FBXO21: variants seen among roughly 807,000 people sequenced by gnomAD.
FBXO21 encodes F-box only protein 21.
In FBXO21, 32 loss-of-function variants were observed where a neutral mutation model predicts 76.6. The observed-to-expected ratio is 0.42, with a 90% CI of 0.32 to 0.56. The LOEUF is 0.56. Among genes scored for constraint, FBXO21 ranks in the 20% least tolerant of loss-of-function variants. The probability of loss-of-function intolerance (pLI) is 0.16; values close to 1 mark genes in which losing one functional copy is unlikely to be tolerated. For synonymous variants in FBXO21, 328 were observed against 311.5 expected (o/e 1.05, Z -0.56); for missense variants, 586 against 797.3 (o/e 0.73, Z 3.19).
intron 3 of FBXO21, among the ~76,000 whole-genome samples, chr12:117,179,451 A>AT (rs1351956908): frequency 2.7e-5 from 4 of 150,134 alleles, no homozygotes; most frequent in African/African-American, 7.3e-5. Flanking sequence ...ATCCTCCTCC[A>AT]TCTTTTTTTT....
chr12:117,184,993 G>T (rs1956268873), intron 3 of FBXO21, among the ~76,000 whole-genome samples: 2 of 152,106 alleles, frequency 1.3e-5, no homozygotes, highest in African/African-American at 4.8e-5. Context: ...AAGAATTACA[G>T]AGGTGGGGGC....
chr12:117,177,719 T>C (rs1956188989), intron 3 of FBXO21, 78 bp from the exon 4 acceptor site: 1 of 1,212,850 alleles, frequency 8.2e-7, no homozygotes, highest in Admixed American at 2.2e-5. Flanking sequence ...TAACATACCA[T>C]GTAGTTTGCT....
rs535672594 is a variant in FBXO21, at chr12:117,167,642, G to A, written c.1014-565C>T. Among the ~76,000 whole-genome samples, 5 of 152,202 alleles carry A rather than the reference G, an allele frequency of 3.3e-5. 1 individual carries two copies. Among genetic ancestry groups the A allele is most frequent in the Middle Eastern group, 6.8e-3 (2 of 294 alleles). On this transcript the variant is annotated intron_variant, in intron 7 of 11. Transcript: ENST00000622495. ...TGTAGTCCCAGCTACTCGGGAGGCT[G>A]AGGCAGAAGAATGGTGTGAACCCGG...
chr12:117,188,815 C>T (rs1324099369), intron 2 of FBXO21: 2 of 189,400 alleles, frequency 1.1e-5, no homozygotes, highest in Non-Finnish European at 2.2e-5. Context: ...GAGAGAAGAA[C>T]CACATTAATT....
At position 117,142,874 on chromosome 12, in the gene FBXO21, C is replaced by G. The variant is rs947873408; in HGVS notation, c.*3213G>C. 4 of 152,050 alleles carry G rather than the reference C, an allele frequency of 2.6e-5. No individual in the cohort carries two copies. The highest frequency in any genetic ancestry group is 7.2e-5 in the African/African-American group (3 of 41,394). 9.4% of individuals were successfully genotyped at this position (152,050 alleles called of 1,614,324 possible). ...CACGGCAGCTCTGCTCAGTTTTCTCCGTGGGGAAAGATCGGAACACTTACA... is the reference window on the plus strand; with the variant it reads ...CACGGCAGCTCTGCTCAGTTTTCTCGGTGGGGAAAGATCGGAACACTTACA... On this transcript the variant is annotated 3_prime_UTR_variant, in exon 12 of 12. Transcript: ENST00000622495.
At chr12:117,174,095 C>T (rs1478200894) in intron 6 of FBXO21, 110 bp downstream of exon 6, 2 of 902,124 alleles carry the variant, frequency 2.2e-6, no homozygotes, top group Non-Finnish European at 3.5e-6. Flanking sequence ...TATGATCGCG[C>T]CACTGCATTC....
rs555156511 is a variant in FBXO21, at chr12:117,157,043, C to T, written c.1517+830G>A. On this transcript the variant is annotated intron_variant, in intron 10 of 11. Coordinates refer to ENST00000622495, the MANE Select transcript of FBXO21 (RefSeq NM_015002.3). ...ACTAAAACACAAAAAATTAGCCAGG[C>T]GTGGTGGTGTGCGCCTGTAGTCCCA... is the stretch of plus-strand genomic sequence containing the variant. 3.7e-4 allele frequency among the ~76,000 whole-genome samples: 56 copies of T among 151,998 alleles called. 1 individual carries two copies. Among genetic ancestry groups the T allele is most frequent in the Middle Eastern group, 6.8e-3 (2 of 292 alleles).
Position 117,190,406 on chromosome 12 carries a change from C to A in FBXO21, c.51G>T (p.Ala17=). Residue 17 remains alanine (A), a synonymous_variant, in exon 1 of 12, where the codon GCG becomes GCT. Coordinates refer to ENST00000622495, the MANE Select transcript of FBXO21 (RefSeq NM_015002.3). ...CCGCTACCTCCGGCGCGGCCTCCTC[C>A]GCCAGCGCCGGCACCACCTCCATCG... The part of the protein sequence containing the change: ...DSAMEVVPAL[A]EEAAPEVAGL... The A allele has an allele frequency of 6.7e-7, 1 of 1,489,074 alleles. No homozygotes were observed. The highest frequency in any genetic ancestry group is 8.9e-7 in the Non-Finnish European group (1 of 1,124,936). The allele number at this position is 1,489,074 out of a possible 1,614,324, so 92.2% of individuals were successfully genotyped here.
intron 3 of FBXO21, among the ~76,000 whole-genome samples, chr12:117,179,144 T>C (rs1956204560): frequency 6.6e-6 from 1 of 152,226 alleles, no homozygotes; most frequent in African/African-American, 2.4e-5. Flanking sequence ...GAATGATCTA[T>C]GTTTCATCTA....
intron 11 of FBXO21, among the ~76,000 whole-genome samples, chr12:117,154,788 G>A (rs7959489): frequency 0.53 from 79,843 of 151,996 alleles, 21,125 homozygotes; most frequent in Admixed American, 0.63. Flanking sequence ...AAGTTCTGAG[G>A]TTTTTATACA....
At chr12:117,159,537 A>G (rs2135856807) in intron 9 of FBXO21, among the ~76,000 whole-genome samples, 1 of 152,332 alleles carries the variant, frequency 6.6e-6, no homozygotes. Flanking sequence ...ACAAAGCAGT[A>G]TAATCCCAAG....
intron 3 of FBXO21, among the ~76,000 whole-genome samples, chr12:117,181,100 C>T (rs1956224976): frequency 2.0e-5 from 3 of 152,210 alleles, no homozygotes; most frequent in Admixed American, 6.5e-5. Context: ...TTAGTGCTCA[C>T]TGCCAGTCCT....
chr12:117,164,441 T>C (rs1956027052), intron 9 of FBXO21, among the ~76,000 whole-genome samples: 1 of 152,126 alleles, frequency 6.6e-6, no homozygotes, highest in Non-Finnish European at 1.5e-5. Context: ...CACGCCCAGC[T>C]AATTTTTGTA....
At chr12:117,146,884 T>C (rs1955777140) in intron 11 of FBXO21, among the ~76,000 whole-genome samples, 1 of 152,182 alleles carries the variant, frequency 6.6e-6, no homozygotes, top group East Asian at 1.9e-4. Context: ...GATGTTATTA[T>C]CTGTACCATC....
intron 7 of FBXO21, among the ~76,000 whole-genome samples, chr12:117,167,312 A>T (rs982316639): frequency 3.3e-5 from 5 of 152,194 alleles, no homozygotes; most frequent in Admixed American, 3.3e-4. Context: ...TTCTTTAGGA[A>T]GACTAAAACT....
chr12:117,178,388 C>T (rs1007814666), intron 3 of FBXO21, among the ~76,000 whole-genome samples: 3 of 152,140 alleles, frequency 2.0e-5, no homozygotes, highest in African/African-American at 7.2e-5. Context: ...CCTCAGCTTC[C>T]CGCTTCAGAC....
chr12:117,159,145 T>C (rs888563075), intron 9 of FBXO21, among the ~76,000 whole-genome samples: 2 of 152,308 alleles, frequency 1.3e-5, no homozygotes, highest in African/African-American at 4.8e-5. Flanking sequence ...TTATGCACCA[T>C]GTTATTATCT....
chr12:117,155,819 C>T lies in FBXO21; in HGVS notation c.1647G>A (p.Glu549=), dbSNP rs1422509030. ...GGGCTGCGTATCGACAGGAGCCGTC[C>T]TCCACCAGCACGTTATAGAAAGGCT... is the stretch of plus-strand genomic sequence containing the variant. The part of the protein sequence containing the change: ...HHQPFYNVLV[E]DGSCRYAAQE... Residue 549 remains glutamate, a synonymous_variant, in exon 11 of 12, where the codon GAG becomes GAA. Transcript: ENST00000622495. 1 of 1,614,066 alleles carries T rather than the reference C, an allele frequency of 6.2e-7. No homozygotes were observed. The highest frequency in any genetic ancestry group is 1.1e-5 in the South Asian group (1 of 91,046).
chr12:117,189,058 T>C (rs1418345741), intron 2 of FBXO21, 169 bp downstream of exon 2: 4 of 724,074 alleles, frequency 5.5e-6, no homozygotes, highest in African/African-American at 1.8e-5. Context: ...CTTCGTGTTG[T>C]TGGATAGGAG....
Sources: allele counts gnomAD v4.1 joint callset (sites outside exome capture counted in the v4.1 genomes callset), GRCh38; gene constraint gnomAD v4.1.1; transcripts MANE v1.5; gene names NCBI Gene and HGNC (gene_info 2026-07-23, HGNC 2026-07-21).